The following NRP1 variants were observed in gnomAD, a reference collection of about 807,000 sequenced individuals.
NRP1 encodes neuropilin 1, also known as neuropilin-1.
A neutral mutation model predicts 106.7 loss-of-function variants in NRP1; 35 were observed. That is an observed-to-expected ratio of 0.33 (90% CI 0.25 to 0.43). The LOEUF (loss-of-function observed/expected upper bound fraction) is 0.43, where lower values mean the gene tolerates loss of function less well. Among genes scored for constraint, NRP1 ranks in the 20% least tolerant of loss-of-function variants. The probability of loss-of-function intolerance (pLI) is 1.00; values close to 1 mark genes in which losing one functional copy is unlikely to be tolerated. For synonymous variants in NRP1, 437 were observed against 417.9 expected (o/e 1.05, Z -0.56); for missense variants, 1,024 against 1,170.4 (o/e 0.87, Z 1.83).
At chr10:33,252,805 C>T (rs1470158567) in intron 6 of NRP1, among the ~76,000 whole-genome samples, 2 of 152,188 alleles carry the variant, frequency 1.3e-5, no homozygotes, top group African/African-American at 4.8e-5. Flanking sequence ...GACGTCTCAT[C>T]TTTTCTCACT....
At chr10:33,257,173 T>G (rs1842254089) in intron 4 of NRP1, among the ~76,000 whole-genome samples, 1 of 152,184 alleles carries the variant, frequency 6.6e-6, no homozygotes, top group Non-Finnish European at 1.5e-5. Context: ...GAAATAAAAA[T>G]GCATCTGTCT....
intron 6 of NRP1, among the ~76,000 whole-genome samples, chr10:33,248,024 A>G (rs1841553092): frequency 1.3e-5 from 2 of 152,206 alleles, no homozygotes; most frequent in South Asian, 4.1e-4. Flanking sequence ...GTGGTGGCTC[A>G]TGTCTGTAAT....
At chr10:33,277,131 A>G (rs1199258046) in intron 2 of NRP1, among the ~76,000 whole-genome samples, 4 of 152,074 alleles carry the variant, frequency 2.6e-5, no homozygotes, top group Non-Finnish European at 5.9e-5. Context: ...AAAAAGAAAA[A>G]AAATTGCTCA....
intron 2 of NRP1, among the ~76,000 whole-genome samples, chr10:33,306,441 C>T (rs1030029715): frequency 1.4e-4 from 21 of 151,532 alleles, no homozygotes; most frequent in African/African-American, 4.1e-4. Context: ...CTTCCTTCAT[C>T]CTCTATTTTG....
rs748021851 is a variant in NRP1 at position 33,216,619 on chromosome 10, A to AT, written c.1283-2903dup. Among the ~76,000 whole-genome samples, 1,410 of 142,660 alleles carry AT rather than the reference A, an allele frequency of 9.9e-3. 8 individuals are homozygous for AT. Among genetic ancestry groups the AT allele is most frequent in the African/African-American group, 0.013 (501 of 38,792 alleles). The allele number at this position is 142,660 out of a possible 152,430, so 93.6% of individuals were successfully genotyped here. ...CATGTGGATGCTACCATGATTGGCA[A>AT]TTTTTTTTTTTTTGGTCTCGCTATG... On this transcript the variant is annotated intron_variant, in intron 8 of 16. Coordinates refer to ENST00000374867, the MANE Select transcript of NRP1 (RefSeq NM_003873.7).
chr10:33,262,259 T>G (rs1227156938), intron 4 of NRP1, among the ~76,000 whole-genome samples: 1 of 152,184 alleles, frequency 6.6e-6, no homozygotes, highest in Non-Finnish European at 1.5e-5. Context: ...TTATTGGATA[T>G]TATCCCCCTC....
intron 6 of NRP1, among the ~76,000 whole-genome samples, chr10:33,232,895 G>T (rs1032579273): frequency 2.6e-5 from 4 of 151,840 alleles, no homozygotes; most frequent in South Asian, 2.1e-4. Flanking sequence ...TGATCTGCCC[G>T]CCTTGGCCTC....
At chr10:33,319,336 T>C (rs1176980168) in intron 2 of NRP1, among the ~76,000 whole-genome samples, 1 of 151,938 alleles carries the variant, frequency 6.6e-6, no homozygotes, top group Admixed American at 6.6e-5. Flanking sequence ...AAGAGGTTTG[T>C]AAAATGCACC....
chr10:33,316,096 G>A (rs1341415474), intron 2 of NRP1, among the ~76,000 whole-genome samples: 1 of 152,186 alleles, frequency 6.6e-6, no homozygotes, highest in Non-Finnish European at 1.5e-5. Context: ...ACCGAGGCAG[G>A]GAGGAAACGG....
At chr10:33,244,305 A>G (rs1435163329) in intron 6 of NRP1, among the ~76,000 whole-genome samples, 1 of 152,224 alleles carries the variant, frequency 6.6e-6, no homozygotes, top group African/African-American at 2.4e-5. Context: ...CGCGACATAA[A>G]TGTAGCCATT....
rs534107648 is a variant in NRP1, at chr10:33,327,670, T to C, written c.248+3038A>G. Among the ~76,000 whole-genome samples the C allele has an allele frequency of 4.0e-3, 592 of 146,644 alleles. 8 individuals carry two copies. Among genetic ancestry groups the C allele is most frequent in the Non-Finnish European group, 2.3e-3 (148 of 64,470 alleles). ...TTCTGGTGTTCCCAGGTTTTTTTTTTCCCCCTAGGGCATTCCAATCCCCTG... is the reference window on the plus strand; with the variant it reads ...TTCTGGTGTTCCCAGGTTTTTTTTTCCCCCCTAGGGCATTCCAATCCCCTG... On this transcript the variant is annotated intron_variant, in intron 2 of 16. Coordinates refer to ENST00000374867, the MANE Select transcript of NRP1 (RefSeq NM_003873.7).
At chr10:33,272,554 A>G (rs1002370565) in intron 2 of NRP1, among the ~76,000 whole-genome samples, 3 of 152,092 alleles carry the variant, frequency 2.0e-5, no homozygotes, top group Non-Finnish European at 4.4e-5. Context: ...AGGAGGAGGA[A>G]GAAGAAAGCA....
At chr10:33,288,155 A>C (rs903510564) in intron 2 of NRP1, 3 of 152,196 alleles carry the variant, frequency 2.0e-5, no homozygotes, top group Non-Finnish European at 4.4e-5. Flanking sequence ...TGGAGGTCAA[A>C]TGTATGTCCA....
At chr10:33,203,057 T>G in intron 10 of NRP1, 62 bp from the exon 11 acceptor site, 1 of 1,520,636 alleles carries the variant, frequency 6.6e-7, no homozygotes, top group Middle Eastern at 2.1e-4. Flanking sequence ...AGCCTCTGGC[T>G]GTTGGATCTG....
chr10:33,183,900 T>C (rs1325204300), intron 15 of NRP1, among the ~76,000 whole-genome samples: 1 of 152,236 alleles, frequency 6.6e-6, no homozygotes, highest in Non-Finnish European at 1.5e-5. Flanking sequence ...AATTTCCCAC[T>C]ACAATGTCTG....
chr10:33,319,957 AC>A lies in NRP1; in HGVS notation c.248+10750del, dbSNP rs966517829. Among the ~76,000 whole-genome samples, 26 of 150,880 alleles carry A rather than the reference AC, an allele frequency of 1.7e-4. 1 individual carries two copies. The highest frequency in any genetic ancestry group is 1.7e-3 in the South Asian group (8 of 4,720). On this transcript the variant is annotated intron_variant, in intron 2 of 16. Coordinates refer to ENST00000374867, the MANE Select transcript of NRP1 (RefSeq NM_003873.7). The stretch of plus-strand genomic sequence containing the variant: ...CCCAGTTCCGTTCTTGGTCAGCTAG[AC>A]CGCGAACCCACCGGAAGGAATAAAT...
intron 8 of NRP1, 93 bp downstream of exon 8, chr10:33,221,626 A>G (rs758991294): frequency 2.3e-6 from 3 of 1,323,788 alleles, no homozygotes; most frequent in Non-Finnish European, 3.2e-6. Flanking sequence ...TTGCATTTAC[A>G]AACTTATTTA....
chr10:33,268,455 A>T (rs865961883), intron 3 of NRP1, among the ~76,000 whole-genome samples: 6 of 152,220 alleles, frequency 3.9e-5, no homozygotes, highest in Middle Eastern at 3.2e-3. Context: ...GAAGTCAAGA[A>T]GACAAAGAAC....
At chr10:33,207,064 A>G (rs867668835) in intron 10 of NRP1, among the ~76,000 whole-genome samples, 10 of 152,188 alleles carry the variant, frequency 6.6e-5, no homozygotes, top group South Asian at 2.1e-4. Flanking sequence ...GATAATCGAC[A>G]CTGCGGACCG....
Sources: gnomAD v4.1 joint callset for allele counts (sites outside exome capture counted in the v4.1 genomes callset) on GRCh38, gnomAD v4.1.1 for gene constraint, MANE v1.5 for transcripts, NCBI Gene and HGNC (gene_info 2026-07-23, HGNC 2026-07-21) for gene names.